Variants in C12orf56 observed in about 807,000 individuals in gnomAD.
C12orf56 encodes the protein chromosome 12 open reading frame 56.
C12orf56 carries 71 observed loss-of-function variants against 69.9 expected under a neutral mutation model. The ratio of observed to expected loss-of-function variants is 1.02; its 90% confidence interval spans 0.84 to 1.24. C12orf56 has a LOEUF of 1.24. Among genes scored for constraint, C12orf56 ranks in the 50% most tolerant of loss-of-function variants. The pLI, the probability that C12orf56 is intolerant of heterozygous loss-of-function variation, is 0.00. For missense variants in C12orf56, 732 were observed against 738.5 expected, an observed-to-expected ratio of 0.99 and a Z score of 0.10; for synonymous variants, 276 against 274.1, an observed-to-expected ratio of 1.01 and a Z score of -0.07.
intron 2 of C12orf56, among the ~76,000 whole-genome samples, chr12:64,344,681 C>T (rs559947291): frequency 1.3e-5 from 2 of 152,142 alleles, no homozygotes; most frequent in South Asian, 4.1e-4. Flanking sequence ...TTACAGGGCT[C>T]TTCAAAGATG....
chr12:64,323,896 T>G (rs1209599168), intron 3 of C12orf56, among the ~76,000 whole-genome samples: 1 of 152,200 alleles, frequency 6.6e-6, no homozygotes, highest in Non-Finnish European at 1.5e-5. Context: ...ATGTGGGGAA[T>G]TACATGCTGA....
chr12:64,303,025 C>T (rs1193106122), intron 6 of C12orf56, among the ~76,000 whole-genome samples: 1 of 152,054 alleles, frequency 6.6e-6, no homozygotes, highest in Non-Finnish European at 1.5e-5. Context: ...GTAACTCCAG[C>T]ATTTTGGGAG....
intron 4 of C12orf56, 114 bp downstream of exon 4, chr12:64,318,461 A>G (rs769126059): frequency 6.9e-5 from 62 of 893,532 alleles, no homozygotes; most frequent in Non-Finnish European, 1.0e-4. Flanking sequence ...CAATATTATT[A>G]AATTCCAAGG....
intron 2 of C12orf56, among the ~76,000 whole-genome samples, chr12:64,344,223 G>C (rs182954134): frequency 4.6e-5 from 7 of 152,244 alleles, no homozygotes; most frequent in African/African-American, 1.7e-4. Context: ...TGCATAAATT[G>C]TTGGTAATGT....
chr12:64,325,709 C>A (rs1200353749), intron 3 of C12orf56, among the ~76,000 whole-genome samples: 4 of 152,092 alleles, frequency 2.6e-5, no homozygotes, highest in African/African-American at 7.2e-5. Context: ...GACTTGAGTA[C>A]CCCACCTCCC....
chr12:64,283,661 CT>C (rs1042208360), intron 8 of C12orf56, among the ~76,000 whole-genome samples: 32 of 114,036 alleles, frequency 2.8e-4, no homozygotes, highest in Non-Finnish European at 5.8e-5. Flanking sequence ...TTTTTTTTTT[CT>C]TTTTTAACTG....
intron 4 of C12orf56, 116 bp from the exon 5 acceptor site, chr12:64,312,868 G>T: frequency 1.4e-6 from 1 of 690,888 alleles, no homozygotes; most frequent in Non-Finnish European, 2.3e-6. Context: ...TACACGATTT[G>T]TTTATAAAAC....
rs904690464 is a variant in C12orf56, at chr12:64,265,692, A to T, written c.*1491T>A. 2 of 152,260 alleles carry T rather than the reference A, an allele frequency of 1.3e-5. No homozygotes were observed. Among genetic ancestry groups the T allele is most frequent in the Non-Finnish European group, 2.9e-5 (2 of 68,066 alleles). 9.4% of individuals were successfully genotyped at this position (152,260 alleles called of 1,614,324 possible). ...TATCTCCACTGCCCAACACAGGCGA[A>T]TCTGGCTTAGGAACTCTTTCTTTGG... On this transcript the variant is annotated 3_prime_UTR_variant, in exon 13 of 13. Transcript: ENST00000543942.
Position 64,370,470 on chromosome 12 carries a change from G to A in C12orf56, c.253-17414C>T, listed in dbSNP as rs531917617. ...GTTTGAGACCAGCCTGACCAACAGA[G>A]CAAAACCACATCTCTACCAAAAATA... is the stretch of plus-strand genomic sequence containing the variant. On this transcript the variant is annotated intron_variant, in intron 1 of 12. Coordinates refer to ENST00000543942, the MANE Select transcript of C12orf56 (RefSeq NM_001170633.2). 5.3e-5 allele frequency among the ~76,000 whole-genome samples: 8 copies of A among 151,694 alleles called. No homozygotes were observed. In the East Asian group the frequency reaches 1.4e-3, roughly 26 times the overall value.
At chr12:64,333,298 T>C (rs2038954385) in intron 2 of C12orf56, among the ~76,000 whole-genome samples, 1 of 152,200 alleles carries the variant, frequency 6.6e-6, no homozygotes, top group Admixed American at 6.5e-5. Context: ...CCGAGGCTTA[T>C]TTGTTAGGAT....
chr12:64,313,261 C>CA lies in C12orf56; in HGVS notation c.895-510dup, dbSNP rs769254039. 1.6e-3 allele frequency among the ~76,000 whole-genome samples: 180 copies of CA among 109,306 alleles called. 1 individual carries two copies. Among genetic ancestry groups the CA allele is most frequent in the African/African-American group, 6.2e-3 (162 of 26,306 alleles). 71.7% of individuals were successfully genotyped at this position (109,306 alleles called of 152,430 possible). A position where few individuals can be genotyped will look rare whatever the true frequency, so the allele number is the denominator to read the frequency against. On this transcript the variant is annotated intron_variant, in intron 4 of 12. Coordinates refer to ENST00000543942, the MANE Select transcript of C12orf56 (RefSeq NM_001170633.2). ...TCTGCAACAGAGCGAGACTCTGTCT[C>CA]AAAAAAAAAAAAAAAAGAAAGAAAG...
chr12:64,349,232 AG>A (rs2135946905), intron 2 of C12orf56, among the ~76,000 whole-genome samples: 1 of 152,378 alleles, frequency 6.6e-6, no homozygotes, highest in African/African-American at 2.4e-5. Context: ...AATTCTCAAA[AG>A]AAGATACACA....
At chr12:64,322,133 T>C (rs112892582) in intron 3 of C12orf56, among the ~76,000 whole-genome samples, 1 of 151,872 alleles carries the variant, frequency 6.6e-6, no homozygotes, top group African/African-American at 2.4e-5. Flanking sequence ...GCATGAGCCA[T>C]TGTGCCTGGC....
At chr12:64,315,655 G>A (rs1488766515) in intron 4 of C12orf56, among the ~76,000 whole-genome samples, 1 of 152,108 alleles carries the variant, frequency 6.6e-6, no homozygotes, top group Non-Finnish European at 1.5e-5. Flanking sequence ...AATGTGGCCG[G>A]GCACAGTGGC....
At chr12:64,316,609 C>T (rs1307085558) in intron 4 of C12orf56, among the ~76,000 whole-genome samples, 1 of 152,056 alleles carries the variant, frequency 6.6e-6, no homozygotes, top group Non-Finnish European at 1.5e-5. Flanking sequence ...TCTTCCTCCA[C>T]CCACATTTAT....
At chr12:64,302,039 T>G (rs2038452963) in intron 6 of C12orf56, among the ~76,000 whole-genome samples, 1 of 152,212 alleles carries the variant, frequency 6.6e-6, no homozygotes, top group Admixed American at 6.5e-5. Context: ...TAGATTAAAT[T>G]GATACTGTGT....
chr12:64,327,746 T>C (rs890613287), intron 3 of C12orf56, among the ~76,000 whole-genome samples: 1 of 152,254 alleles, frequency 6.6e-6, no homozygotes, highest in Non-Finnish European at 1.5e-5. Flanking sequence ...TGGTTTGCCA[T>C]GCTAAATAGA....
intron 9 of C12orf56, among the ~76,000 whole-genome samples, chr12:64,276,006 C>CCT (rs1565734428): frequency 6.6e-6 from 1 of 150,474 alleles, no homozygotes; most frequent in Admixed American, 6.6e-5. Flanking sequence ...TACACACCCC[C>CCT]CCCCGCGAGT....
chr12:64,282,444 A>G (rs2136761469), intron 8 of C12orf56, among the ~76,000 whole-genome samples: 1 of 152,226 alleles, frequency 6.6e-6, no homozygotes, highest in African/African-American at 2.4e-5. Context: ...TTTCTATATG[A>G]CCTTTTACAG....
Sources: gnomAD v4.1 joint callset for allele counts (sites outside exome capture counted in the v4.1 genomes callset) on GRCh38, gnomAD v4.1.1 for gene constraint, MANE v1.5 for transcripts, NCBI Gene and HGNC (gene_info 2026-07-23, HGNC 2026-07-21) for gene names.